The following CDC40 variants were observed in gnomAD, a reference collection of about 807,000 sequenced individuals.
CDC40 encodes pre-mRNA-processing factor 17.
Under a neutral mutation model 80.6 loss-of-function variants are expected in CDC40, and 27 were observed. The ratio of observed to expected loss-of-function variants is 0.33; its 90% confidence interval spans 0.25 to 0.46. CDC40 has a LOEUF of 0.46. CDC40 is among the 20% of genes least tolerant of loss of function. The pLI, the probability that CDC40 is intolerant of heterozygous loss-of-function variation, is 1.00. For synonymous variants in CDC40, 221 were observed against 232.6 expected, an observed-to-expected ratio of 0.95 and a Z score of 0.45; for missense variants, 486 against 694.1, an observed-to-expected ratio of 0.70 and a Z score of 3.37.
chr6:110,196,695 A>G (rs974302724), intron 2 of CDC40, among the ~76,000 whole-genome samples: 3 of 152,148 alleles, frequency 2.0e-5, no homozygotes, highest in African/African-American at 7.2e-5. Flanking sequence ...CAAATCTTCT[A>G]TTTGTAGATG....
At chr6:110,193,866 G>T (rs1777384551) in intron 2 of CDC40, among the ~76,000 whole-genome samples, 1 of 152,152 alleles carries the variant, frequency 6.6e-6, no homozygotes, top group Admixed American at 6.5e-5. Flanking sequence ...GAACTTAGTT[G>T]ACATCTTCCT....
chr6:110,216,631 C>CCCATCCAGTACCCATCCA (rs1777702983), intron 9 of CDC40, among the ~76,000 whole-genome samples: 1 of 152,182 alleles, frequency 6.6e-6, no homozygotes, highest in African/African-American at 2.4e-5. Context: ...TACCATGACA[C>CCCATCCAGTACCCATCCA]GTACCTCCTG....
At chr6:110,224,870 A>G (rs930232816) in intron 12 of CDC40, among the ~76,000 whole-genome samples, 35 of 152,248 alleles carry the variant, frequency 2.3e-4, no homozygotes, top group African/African-American at 7.7e-4. Context: ...AACCTGGACT[A>G]TGCTTAATTT....
At chr6:110,210,671 A>G in intron 5 of CDC40, 36 bp from the exon 6 acceptor site, 1 of 1,253,980 alleles carries the variant, frequency 8.0e-7, no homozygotes, top group Non-Finnish European at 1.1e-6. Context: ...AGGTTCTAGA[A>G]CATTCATTTT....
Position 110,183,988 on chromosome 6 carries a change from TACAA to T in CDC40, c.189+3360_189+3363del, listed in dbSNP as rs1777233114. Among the ~76,000 whole-genome samples, 3 of 152,328 alleles carry T rather than the reference TACAA, an allele frequency of 2.0e-5. No individual in the cohort carries two copies. The South Asian group carries it at 6.2e-4, about 32-fold the overall frequency. ...TGTCTTCTCACTTTTCCCTGTTGTT[TACAA>T]ACAATTATTTATGTAGTCTGTGCTT... is the stretch of plus-strand genomic sequence containing the variant. On this transcript the variant is annotated intron_variant, in intron 1 of 14. Coordinates refer to ENST00000307731, the MANE Select transcript of CDC40 (RefSeq NM_015891.3).
chr6:110,187,659 C>G (rs571580967), intron 1 of CDC40, among the ~76,000 whole-genome samples: 1 of 152,242 alleles, frequency 6.6e-6, no homozygotes, highest in East Asian at 1.9e-4. Flanking sequence ...TATTTGTGAT[C>G]TGCTTTACAG....
chr6:110,202,699 GTTTGT>G (rs772400104), intron 3 of CDC40, among the ~76,000 whole-genome samples: 19 of 152,226 alleles, frequency 1.2e-4, no homozygotes, highest in Non-Finnish European at 2.5e-4. Flanking sequence ...TTGTTTGTTT[GTTTGT>G]TTTAAGTATC....
At position 110,219,763 on chromosome 6, in the gene CDC40, C is replaced by T. The variant is rs748993841; in HGVS notation, c.1234C>T (p.Gln412Ter). Residue 412 changes from glutamine (Q) to a stop codon, truncating the protein, a stop_gained, in exon 12 of 15, where the codon CAG (glutamine) becomes TAG (stop). Coordinates refer to ENST00000307731, the MANE Select transcript of CDC40 (RefSeq NM_015891.3). LOFTEE classifies it high-confidence loss of function. ...GGACATTCGAAGTGGAGAAATTGTG[C>T]AGGAATATGATCGGCATTTGGGAGC... ...QWDIRSGEIV[Q>*]EYDRHLGAVN... The T allele has an allele frequency of 6.2e-7, 1 of 1,613,874 alleles. No homozygotes were observed. Among genetic ancestry groups the T allele is most frequent in the Non-Finnish European group, 8.5e-7 (1 of 1,179,888 alleles).
rs1019681438 is a variant in CDC40 at position 110,215,435 on chromosome 6, T to G, written c.988+104T>G. Reference sequence around the variant, plus strand: ...ACACCGATAGGAAGTAAACTCTTCATAGATTTCAGCTGAATCTGGAAGGAG... The same window carrying G: ...ACACCGATAGGAAGTAAACTCTTCAGAGATTTCAGCTGAATCTGGAAGGAG... On this transcript the variant is annotated intron_variant, in intron 9 of 14. Coordinates refer to ENST00000307731, the MANE Select transcript of CDC40 (RefSeq NM_015891.3). 5.5e-6 allele frequency: 5 copies of G among 904,188 alleles called. No homozygotes were observed. In the African/African-American group the frequency reaches 6.6e-5, roughly 12 times the overall value. The allele number at this position is 904,188 out of a possible 1,614,324, so 56.0% of individuals were successfully genotyped here. A position where few individuals can be genotyped will look rare whatever the true frequency, so the allele number is the denominator to read the frequency against.
chr6:110,191,881 AGAT>A (rs1239196988), intron 1 of CDC40, among the ~76,000 whole-genome samples: 4 of 152,240 alleles, frequency 2.6e-5, no homozygotes, highest in African/African-American at 9.6e-5. Flanking sequence ...TATAATTTGT[AGAT>A]GATATATAAT....
chr6:110,214,303 GGGGACTGAAA>G (rs1777673268), intron 8 of CDC40, among the ~76,000 whole-genome samples: 1 of 152,116 alleles, frequency 6.6e-6, no homozygotes, highest in Non-Finnish European at 1.5e-5. Context: ...ATTATGTGCA[GGGGACTGAAA>G]GTAAAAGCTT....
intron 5 of CDC40, among the ~76,000 whole-genome samples, chr6:110,209,681 C>T (rs555411706): frequency 1.1e-4 from 17 of 152,096 alleles, no homozygotes; most frequent in African/African-American, 3.4e-4. Context: ...AATGCTCTGC[C>T]GTTCCCTTCC....
At chr6:110,193,480 C>G (rs1326347849) in intron 2 of CDC40, among the ~76,000 whole-genome samples, 1 of 152,066 alleles carries the variant, frequency 6.6e-6, no homozygotes, top group African/African-American at 2.4e-5. Context: ...TCTCGGCTCA[C>G]TGCAAGCTCC....
intron 1 of CDC40, among the ~76,000 whole-genome samples, chr6:110,190,111 T>G (rs1777325971): frequency 6.6e-6 from 1 of 152,232 alleles, no homozygotes; most frequent in Non-Finnish European, 1.5e-5. Context: ...AAAAGCCATG[T>G]GCAACAAATA....
At chr6:110,209,379 T>G (rs1470628535) in intron 5 of CDC40, 156 bp downstream of exon 5, 9 of 545,332 alleles carry the variant, frequency 1.7e-5, no homozygotes, top group Non-Finnish European at 1.6e-5. Context: ...AAAATTTATT[T>G]GTTTTTCTTT....
At chr6:110,216,360 C>T (rs1464165770) in intron 9 of CDC40, among the ~76,000 whole-genome samples, 3 of 152,160 alleles carry the variant, frequency 2.0e-5, no homozygotes, top group Admixed American at 6.5e-5. Context: ...GGAGTCTGTT[C>T]AGCAGTGCTT....
chr6:110,207,443 A>G (rs1331823336), intron 3 of CDC40, 63 bp from the exon 4 acceptor site: 3 of 835,456 alleles, frequency 3.6e-6, no homozygotes, highest in Non-Finnish European at 6.1e-6. Flanking sequence ...TATTTGTATT[A>G]TAATAATAAA....
intron 1 of CDC40, among the ~76,000 whole-genome samples, chr6:110,181,676 C>A (rs181433377): frequency 8.5e-4 from 129 of 152,288 alleles, no homozygotes; most frequent in African/African-American, 3.1e-3. Flanking sequence ...CCTGAGTCTT[C>A]TCCTTTCACA....
chr6:110,227,061 A>G (rs1777873415), intron 13 of CDC40, among the ~76,000 whole-genome samples: 1 of 152,116 alleles, frequency 6.6e-6, no homozygotes, highest in Non-Finnish European at 1.5e-5. Flanking sequence ...AGGGGATAGG[A>G]AGTTTTGGTC....
Sources: allele counts gnomAD v4.1 joint callset (sites outside exome capture counted in the v4.1 genomes callset), GRCh38; gene constraint gnomAD v4.1.1; transcripts MANE v1.5; gene names NCBI Gene and HGNC (gene_info 2026-07-23, HGNC 2026-07-21).